The following RORA variants were observed in gnomAD, a reference collection of about 807,000 sequenced individuals.
RORA encodes the protein nuclear receptor ROR-alpha.
Under a neutral mutation model 69.5 loss-of-function variants are expected in RORA, and 7 were observed. The observed-to-expected ratio is 0.10, with a 90% CI of 0.06 to 0.19. The LOEUF is 0.19. Ranked by LOEUF, RORA falls within the 10% of genes least tolerant of loss-of-function variation. RORA has a pLI of 1.00. For synonymous variants in RORA, 261 were observed against 240.8 expected (o/e 1.08, Z -0.78); for missense variants, 457 against 663.0 (o/e 0.69, Z 3.41).
intron 1 of RORA, among the ~76,000 whole-genome samples, chr15:60,868,585 G>C (rs2073516782): frequency 6.6e-6 from 1 of 152,166 alleles, no homozygotes; most frequent in African/African-American, 2.4e-5. Context: ...CTGTGAGAGG[G>C]ATTTAAACAG....
chr15:61,177,759 G>A (rs974036253), intron 1 of RORA, among the ~76,000 whole-genome samples: 3 of 152,142 alleles, frequency 2.0e-5, no homozygotes, highest in Admixed American at 6.5e-5. Flanking sequence ...TCAGAAGTTC[G>A]AGACCAGCCT....
chr15:61,194,220 C>T (rs1164071450), intron 1 of RORA: 4 of 152,208 alleles, frequency 2.6e-5, no homozygotes, highest in Non-Finnish European at 5.9e-5. Flanking sequence ...GGGGTGCAAG[C>T]CAAGAGTAGG....
In RORA at chr15:60,763,064, G is replaced by GTTT. The variant is rs1567181989; in HGVS notation, c.167-84379_167-84378insAAA. 1.2e-4 allele frequency among the ~76,000 whole-genome samples: 5 copies of GTTT among 40,216 alleles called. 1 individual carries two copies. Among genetic ancestry groups the GTTT allele is most frequent in the African/African-American group, 5.4e-4 (5 of 9,194 alleles). 26.4% of individuals were successfully genotyped at this position (40,216 alleles called of 152,430 possible). A position where few individuals can be genotyped will look rare whatever the true frequency, so the allele number is the denominator to read the frequency against. On this transcript the variant is annotated intron_variant, in intron 1 of 10. Transcript: ENST00000335670. ...AAAAGTACTGTTTCCAATATGCACA[G>GTTT]ATTTTTTTTTTTTTTTTTTTTTTTT...
chr15:60,516,049 A>T (rs868783757), intron 3 of RORA, among the ~76,000 whole-genome samples: 32 of 5,386 alleles, frequency 5.9e-3, no homozygotes, highest in East Asian at 0.053. Flanking sequence ...TTATATATTT[A>T]TATATATTTA....
intron 1 of RORA, among the ~76,000 whole-genome samples, chr15:60,797,227 T>C (rs2072511681): frequency 6.6e-6 from 1 of 152,108 alleles, no homozygotes; most frequent in Admixed American, 6.5e-5. Flanking sequence ...TTGTCCTAAA[T>C]GCTACTGAAT....
intron 1 of RORA, among the ~76,000 whole-genome samples, chr15:61,021,272 A>C (rs999831380): frequency 1.2e-4 from 18 of 152,204 alleles, no homozygotes; most frequent in African/African-American, 4.3e-4. Flanking sequence ...CTATAGTGGG[A>C]GACTAGAAAG....
At chr15:60,998,097 C>G (rs1220517249) in intron 1 of RORA, among the ~76,000 whole-genome samples, 1 of 152,180 alleles carries the variant, frequency 6.6e-6, no homozygotes, top group Non-Finnish European at 1.5e-5. Flanking sequence ...AGAGGAAGTT[C>G]AGAAACCCCA....
intron 2 of RORA, among the ~76,000 whole-genome samples, chr15:60,604,419 CT>C (rs1433721014): frequency 1.3e-5 from 2 of 152,118 alleles, no homozygotes; most frequent in African/African-American, 4.8e-5. Context: ...TGTTTATCTG[CT>C]TTTTTTGCCA....
intron 1 of RORA, among the ~76,000 whole-genome samples, chr15:61,048,437 G>A (rs762465844): frequency 2.0e-5 from 3 of 152,202 alleles, no homozygotes; most frequent in Non-Finnish European, 2.9e-5. Flanking sequence ...CACTCCAGAT[G>A]CAGGGTCTCT....
At chr15:60,615,604 T>G (rs1027807919) in intron 2 of RORA, among the ~76,000 whole-genome samples, 8 of 152,208 alleles carry the variant, frequency 5.3e-5, no homozygotes, top group Non-Finnish European at 1.0e-4. Context: ...AGGAAGAATG[T>G]GAGCTCACGA....
At chr15:60,843,975 A>G (rs2073232971) in intron 1 of RORA, among the ~76,000 whole-genome samples, 1 of 151,822 alleles carries the variant, frequency 6.6e-6, no homozygotes, top group Non-Finnish European at 1.5e-5. Flanking sequence ...AACATAGCCC[A>G]CACTTTCACA....
intron 1 of RORA, among the ~76,000 whole-genome samples, chr15:60,715,110 G>A (rs2071202373): frequency 6.6e-6 from 1 of 152,186 alleles, no homozygotes; most frequent in Non-Finnish European, 1.5e-5. Context: ...CTTTTTGTGA[G>A]AGAGGATGAG....
chr15:61,022,779 G>A (rs1895599741), intron 1 of RORA, among the ~76,000 whole-genome samples: 1 of 152,154 alleles, frequency 6.6e-6, no homozygotes, highest in African/African-American at 2.4e-5. Context: ...TTTGCTGTCT[G>A]GAGGTAGAAG....
chr15:60,908,741 C>T (rs971224693), intron 1 of RORA, among the ~76,000 whole-genome samples: 1 of 152,134 alleles, frequency 6.6e-6, no homozygotes, highest in Admixed American at 6.5e-5. Flanking sequence ...AAATATTAAG[C>T]TTATTACCCC....
chr15:60,597,512 TACACAC>T (rs56774445), intron 2 of RORA, among the ~76,000 whole-genome samples: 53 of 43,216 alleles, frequency 1.2e-3, no homozygotes, highest in Admixed American at 1.9e-3. Flanking sequence ...GTACAGGAGA[TACACAC>T]ACACACACAC....
chr15:61,154,055 C>T (rs771820726), intron 1 of RORA, among the ~76,000 whole-genome samples: 22 of 152,090 alleles, frequency 1.4e-4, no homozygotes, highest in Non-Finnish European at 2.8e-4. Context: ...ACTTCCTAGC[C>T]AAATCCTTTC....
At chr15:60,880,921 T>C (rs1595788097) in intron 1 of RORA, among the ~76,000 whole-genome samples, 1 of 152,172 alleles carries the variant, frequency 6.6e-6, no homozygotes, top group Non-Finnish European at 1.5e-5. Context: ...CAGGTACTAA[T>C]CTACAAAACA....
At chr15:61,051,067 C>T (rs1897269713) in intron 1 of RORA, among the ~76,000 whole-genome samples, 1 of 152,174 alleles carries the variant, frequency 6.6e-6, no homozygotes. Flanking sequence ...GCTGACTCAA[C>T]AACCACACAA....
chr15:60,961,177 T>A (rs1349450970), intron 1 of RORA, among the ~76,000 whole-genome samples: 2 of 152,200 alleles, frequency 1.3e-5, no homozygotes, highest in South Asian at 4.1e-4. Flanking sequence ...TAACATTTCT[T>A]TTCTCATGTT....
Sources: allele counts gnomAD v4.1 joint callset (sites outside exome capture counted in the v4.1 genomes callset), GRCh38; gene constraint gnomAD v4.1.1; transcripts MANE v1.5; gene names NCBI Gene and HGNC (gene_info 2026-07-23, HGNC 2026-07-21).